GRM3: variants seen among roughly 807,000 people sequenced by gnomAD.
GRM3 encodes metabotropic glutamate receptor 3.
GRM3 carries 26 observed loss-of-function variants against 70.5 expected under a neutral mutation model. That is an observed-to-expected ratio of 0.37 (90% CI 0.27 to 0.51). GRM3 has a LOEUF of 0.51. GRM3 is among the 20% of genes least tolerant of loss of function. GRM3 has a pLI of 0.93. For synonymous variants in GRM3, 443 were observed against 434.9 expected, an observed-to-expected ratio of 1.02 and a Z score of -0.23; for missense variants, 859 against 1,123.8, an observed-to-expected ratio of 0.76 and a Z score of 3.37.
At chr7:86,721,765 C>T (rs998727631) in intron 1 of GRM3, among the ~76,000 whole-genome samples, 3 of 152,044 alleles carry the variant, frequency 2.0e-5, no homozygotes, top group African/African-American at 4.8e-5. Flanking sequence ...ATACCAAGAA[C>T]CAATGCATTT....
At chr7:86,751,406 G>A (rs145820140) in intron 1 of GRM3, among the ~76,000 whole-genome samples, 60 of 152,198 alleles carry the variant, frequency 3.9e-4, no homozygotes, top group East Asian at 2.7e-3. Context: ...CAGAGATGCC[G>A]TCCTACTGCT....
chr7:86,656,144 T>C (rs767666487), intron 1 of GRM3, among the ~76,000 whole-genome samples: 2 of 152,042 alleles, frequency 1.3e-5, no homozygotes, highest in Non-Finnish European at 2.9e-5. Context: ...CAGCAATCTC[T>C]CTTCTTCACT....
At chr7:86,751,121 C>A (rs1796220598) in intron 1 of GRM3, among the ~76,000 whole-genome samples, 1 of 152,052 alleles carries the variant, frequency 6.6e-6, no homozygotes, top group African/African-American at 2.4e-5. Flanking sequence ...TCACCGTGGG[C>A]AAGACAGCCA....
At chr7:86,740,334 C>G (rs1021547824) in intron 1 of GRM3, among the ~76,000 whole-genome samples, 1 of 152,036 alleles carries the variant, frequency 6.6e-6, no homozygotes, top group African/African-American at 2.4e-5. Flanking sequence ...TATGTGTTCT[C>G]TTAATCCGGA....
At chr7:86,791,483 A>G (rs565710311) in intron 3 of GRM3, among the ~76,000 whole-genome samples, 60 of 152,314 alleles carry the variant, frequency 3.9e-4, no homozygotes, top group African/African-American at 1.4e-3. Context: ...TCACTGTTTT[A>G]TAGATGAATC....
chr7:86,778,824 A>G (rs1012399018), intron 2 of GRM3, among the ~76,000 whole-genome samples: 5 of 152,174 alleles, frequency 3.3e-5, no homozygotes, highest in African/African-American at 1.2e-4. Flanking sequence ...TTTATATTCA[A>G]CATAATATTG....
chr7:86,659,905 C>CA lies in GRM3; in HGVS notation c.-141+15040dup, dbSNP rs1182147706. ...AAAAGAGAAGAGGGTGAATTTGAAGCAAAAAAACAACAAAAAATCACTTTT... is the reference window on the plus strand; with the variant it reads ...AAAAGAGAAGAGGGTGAATTTGAAGCAAAAAAAACAACAAAAAATCACTTTT... On this transcript the variant is annotated intron_variant, in intron 1 of 5. Transcript: ENST00000361669. 5.3e-5 allele frequency among the ~76,000 whole-genome samples: 8 copies of CA among 151,782 alleles called. No homozygotes were observed. The East Asian group carries it at 5.8e-4, about 11-fold the overall frequency.
At chr7:86,721,051 A>C (rs1222029993) in intron 1 of GRM3, among the ~76,000 whole-genome samples, 1 of 152,062 alleles carries the variant, frequency 6.6e-6, no homozygotes, top group African/African-American at 2.4e-5. Flanking sequence ...CAGGCCCCAA[A>C]GGGAAGCTAA....
chr7:86,773,646 G>C (rs1796803456), intron 2 of GRM3, among the ~76,000 whole-genome samples: 1 of 151,958 alleles, frequency 6.6e-6, no homozygotes, highest in Non-Finnish European at 1.5e-5. Flanking sequence ...TGATTGTTTT[G>C]AAACCTCCTT....
chr7:86,674,941 A>G (rs1461328478), intron 1 of GRM3, among the ~76,000 whole-genome samples: 1 of 152,140 alleles, frequency 6.6e-6, no homozygotes, highest in East Asian at 1.9e-4. Flanking sequence ...TTTCTCAGAA[A>G]TATGACTCCT....
At chr7:86,811,601 C>A (rs1236954983) in intron 3 of GRM3, among the ~76,000 whole-genome samples, 1 of 151,788 alleles carries the variant, frequency 6.6e-6, no homozygotes, top group African/African-American at 2.4e-5. Flanking sequence ...CATCTGACCC[C>A]ATACGCTGAG....
chr7:86,770,239 C>A (rs1323088471), intron 2 of GRM3, among the ~76,000 whole-genome samples: 2 of 152,044 alleles, frequency 1.3e-5, no homozygotes, highest in African/African-American at 2.4e-5. Context: ...TGTTTTGTCC[C>A]TGAGTGTTAA....
At chr7:86,744,933 C>G (rs1796068709) in intron 1 of GRM3, among the ~76,000 whole-genome samples, 1 of 151,932 alleles carries the variant, frequency 6.6e-6, no homozygotes, top group South Asian at 2.1e-4. Context: ...CGACTCCTAG[C>G]CAACAACCCA....
intron 2 of GRM3, among the ~76,000 whole-genome samples, chr7:86,776,488 C>T (rs1395511535): frequency 1.3e-5 from 2 of 151,968 alleles, no homozygotes; most frequent in Non-Finnish European, 2.9e-5. Context: ...TACCTTTGCC[C>T]TAAATTATTG....
rs774422820 is a variant in GRM3, at chr7:86,864,437, G to A, written c.*82G>A. The A allele has an allele frequency of 4.2e-6, 4 of 957,000 alleles. No homozygotes were observed. Among genetic ancestry groups the A allele is most frequent in the East Asian group, 4.8e-5 (2 of 41,758 alleles). The allele number at this position is 957,000 out of a possible 1,614,324, so 59.3% of individuals were successfully genotyped here. ...TGCAGCTCCAGAATATGGAAACAGA[G>A]CAAAAGAACAACCCTAGTACCTTTT... On this transcript the variant is annotated 3_prime_UTR_variant, in exon 6 of 6. Transcript: ENST00000361669.
intron 1 of GRM3, among the ~76,000 whole-genome samples, chr7:86,701,629 G>T (rs369941673): frequency 3.3e-5 from 5 of 151,718 alleles, no homozygotes; most frequent in East Asian, 3.9e-4. Context: ...TATTCAAAGG[G>T]TAAAAGATAT....
intron 1 of GRM3, among the ~76,000 whole-genome samples, chr7:86,668,925 C>T (rs1794101907): frequency 6.6e-6 from 1 of 152,130 alleles, no homozygotes; most frequent in Non-Finnish European, 1.5e-5. Flanking sequence ...GAATAAGCTC[C>T]TGCTAGGGTT....
At chr7:86,717,525 T>A (rs1795346274) in intron 1 of GRM3, among the ~76,000 whole-genome samples, 1 of 151,934 alleles carries the variant, frequency 6.6e-6, no homozygotes, top group Admixed American at 6.6e-5. Context: ...CTGATAAAAA[T>A]TTACGAGACT....
chr7:86,646,470 G>C (rs1468591139), intron 1 of GRM3, among the ~76,000 whole-genome samples: 1 of 152,126 alleles, frequency 6.6e-6, no homozygotes. Flanking sequence ...AGGAGCTCAG[G>C]ATGGAAAATG....
Sources: gnomAD v4.1 joint callset for allele counts (sites outside exome capture counted in the v4.1 genomes callset) on GRCh38, gnomAD v4.1.1 for gene constraint, MANE v1.5 for transcripts, NCBI Gene and HGNC (gene_info 2026-07-23, HGNC 2026-07-21) for gene names.